PEPD: variants seen among roughly 807,000 people sequenced by gnomAD.
PEPD encodes peptidase D.
Under a neutral mutation model 60.7 loss-of-function variants are expected in PEPD, and 53 were observed. The observed-to-expected ratio is 0.87, with a 90% CI of 0.70 to 1.10. The LOEUF is 1.10. Ranked by LOEUF, PEPD falls within the 50% of genes least tolerant of loss-of-function variation. The pLI, the probability that PEPD is intolerant of heterozygous loss-of-function variation, is 0.00. For missense variants in PEPD, 711 were observed against 711.9 expected, an observed-to-expected ratio of 1.00 and a Z score of 0.01; for synonymous variants, 267 against 284.1, an observed-to-expected ratio of 0.94 and a Z score of 0.60.
At chr19:33,459,456 G>A (rs1157977654) in intron 9 of PEPD, among the ~76,000 whole-genome samples, 1 of 152,178 alleles carries the variant, frequency 6.6e-6, no homozygotes, top group Non-Finnish European at 1.5e-5. Context: ...CTGGCTACAA[G>A]CTGGGTACGC....
At chr19:33,393,193 G>A (rs1008243768) in intron 12 of PEPD, among the ~76,000 whole-genome samples, 3 of 148,972 alleles carry the variant, frequency 2.0e-5, no homozygotes, top group African/African-American at 2.5e-5. Flanking sequence ...GGGGGAGGCC[G>A]TCCCGGGGTC....
intron 9 of PEPD, among the ~76,000 whole-genome samples, chr19:33,415,292 C>T (rs528293497): frequency 3.7e-5 from 5 of 133,476 alleles, no homozygotes; most frequent in South Asian, 2.2e-4. Flanking sequence ...CCACGGGCTG[C>T]GCTGGGACTG....
At chr19:33,443,779 C>T (rs1056418468) in intron 9 of PEPD, among the ~76,000 whole-genome samples, 3 of 152,184 alleles carry the variant, frequency 2.0e-5, no homozygotes, top group Non-Finnish European at 4.4e-5. Context: ...GTACCATACG[C>T]ACATGCGCAT....
intron 9 of PEPD, among the ~76,000 whole-genome samples, chr19:33,458,617 ATGTGTGATG>A (rs1969863900): frequency 9.5e-6 from 1 of 105,672 alleles, no homozygotes; most frequent in East Asian, 3.4e-4. Context: ...GGCGGTGTGT[ATGTGTGATG>A]TGTGTGGCGT....
intron 3 of PEPD, among the ~76,000 whole-genome samples, chr19:33,505,189 T>C (rs531680937): frequency 8.5e-5 from 13 of 152,212 alleles, no homozygotes; most frequent in African/African-American, 3.1e-4. Flanking sequence ...GCCATCACCA[T>C]CCATTTCCCG....
At chr19:33,517,722 T>C (rs540390934) in intron 1 of PEPD, among the ~76,000 whole-genome samples, 1 of 151,896 alleles carries the variant, frequency 6.6e-6, no homozygotes, top group South Asian at 2.1e-4. Flanking sequence ...ATACCAGCAC[T>C]TGGGGAGGCT....
chr19:33,453,313 T>TAAAAAAAAAAAAA (rs767526615), intron 9 of PEPD, among the ~76,000 whole-genome samples: 9 of 149,230 alleles, frequency 6.0e-5, no homozygotes, highest in Non-Finnish European at 8.9e-5. Context: ...AACACTGTCA[T>TAAAAAAAAAAAAA]AAAAAAATAA....
intron 6 of PEPD, among the ~76,000 whole-genome samples, chr19:33,480,612 T>C (rs552460365): frequency 2.6e-5 from 4 of 152,158 alleles, no homozygotes; most frequent in Admixed American, 1.3e-4. Context: ...CTGGCCAATA[T>C]GGTGAAAACC....
intron 12 of PEPD, among the ~76,000 whole-genome samples, chr19:33,399,893 G>C (rs1471950286): frequency 6.6e-6 from 1 of 152,194 alleles, no homozygotes; most frequent in African/African-American, 2.4e-5. Flanking sequence ...GGCCCGCTCT[G>C]AAGTGGACTC....
intron 6 of PEPD, among the ~76,000 whole-genome samples, chr19:33,481,036 T>C (rs917728580): frequency 6.6e-6 from 1 of 151,718 alleles, no homozygotes; most frequent in African/African-American, 2.4e-5. Flanking sequence ...AAGAAATCAG[T>C]AACATAAGGA....
At chr19:33,497,377 A>T (rs892545292) in intron 4 of PEPD, among the ~76,000 whole-genome samples, 16 of 152,244 alleles carry the variant, frequency 1.1e-4, no homozygotes, top group Admixed American at 6.5e-4. Flanking sequence ...TCAGCCGGTG[A>T]TCCCGCCAGC....
chr19:33,462,846 A>G (rs1969952131), intron 9 of PEPD, 149 bp downstream of exon 9: 4 of 745,114 alleles, frequency 5.4e-6, no homozygotes, highest in African/African-American at 1.7e-5. Flanking sequence ...CAGAAGAAAA[A>G]TAATCTTTGC....
intron 9 of PEPD, among the ~76,000 whole-genome samples, chr19:33,452,942 G>A (rs546394701): frequency 1.3e-5 from 2 of 152,254 alleles, no homozygotes; most frequent in Admixed American, 6.5e-5. Context: ...AAAAACCTTG[G>A]TCTCAAAATA....
At chr19:33,454,186 G>A (rs1164695889) in intron 9 of PEPD, among the ~76,000 whole-genome samples, 2 of 152,208 alleles carry the variant, frequency 1.3e-5, no homozygotes, top group Non-Finnish European at 2.9e-5. Flanking sequence ...ATGACGGGGT[G>A]CATCAGAAAG....
At position 33,464,173 on chromosome 19, in the gene PEPD, T is replaced by G. The variant is rs1409585845; in HGVS notation, c.549-111A>C. 5.1e-6 allele frequency: 4 copies of G among 790,822 alleles called. No individual in the cohort carries two copies. In the Admixed American group the frequency reaches 7.9e-5, roughly 16 times the overall value. 49.0% of individuals were successfully genotyped at this position (790,822 alleles called of 1,614,324 possible). On this transcript the variant is annotated intron_variant, in intron 7 of 14. Coordinates refer to ENST00000244137, the MANE Select transcript of PEPD (RefSeq NM_000285.4). ...CACACCCTGCACAGCCCAGAAGGCG[T>G]GTTGTGCAAGGCCAGAGTGGGGCCA... is the stretch of plus-strand genomic sequence containing the variant.
At chr19:33,448,051 G>T (rs375959210) in intron 9 of PEPD, among the ~76,000 whole-genome samples, 1 of 152,192 alleles carries the variant, frequency 6.6e-6, no homozygotes, top group African/African-American at 2.4e-5. Context: ...CAGGTATGGA[G>T]ACAGCCCTTC....
At chr19:33,426,796 A>G (rs1969160392) in intron 9 of PEPD, among the ~76,000 whole-genome samples, 1 of 152,234 alleles carries the variant, frequency 6.6e-6, no homozygotes, top group Non-Finnish European at 1.5e-5. Flanking sequence ...CACCTGCAGG[A>G]AGCGAGGACC....
intron 4 of PEPD, among the ~76,000 whole-genome samples, chr19:33,497,247 G>C (rs528753245): frequency 6.6e-6 from 1 of 152,238 alleles, no homozygotes; most frequent in Non-Finnish European, 1.5e-5. Context: ...GTGCTGCTGC[G>C]GTTGTCCTCT....
chr19:33,405,529 T>C (rs1347000439), intron 11 of PEPD, among the ~76,000 whole-genome samples: 1 of 152,210 alleles, frequency 6.6e-6, no homozygotes. Flanking sequence ...AGGAAGCACT[T>C]GCTTCTCCTC....
Sources: gnomAD v4.1 joint callset for allele counts (sites outside exome capture counted in the v4.1 genomes callset) on GRCh38, gnomAD v4.1.1 for gene constraint, MANE v1.5 for transcripts, NCBI Gene and HGNC (gene_info 2026-07-23, HGNC 2026-07-21) for gene names.